The following EML5 variants were observed in gnomAD, a reference collection of about 807,000 sequenced individuals.
The protein encoded by EML5 is EMAP like 5.
EML5 carries 120 observed loss-of-function variants against 250.0 expected under a neutral mutation model. That is an observed-to-expected ratio of 0.48 (90% CI 0.41 to 0.56). EML5 has a LOEUF of 0.56. Ranked by LOEUF, EML5 falls within the 20% of genes least tolerant of loss-of-function variation. EML5 has a pLI of 0.00. For missense variants in EML5, 2,006 were observed against 2,437.6 expected (o/e 0.82, Z 3.73); for synonymous variants, 771 against 806.5 (o/e 0.96, Z 0.75).
chr14:88,754,307 ATAAT>A (rs1278808090), intron 2 of EML5, among the ~76,000 whole-genome samples: 3 of 152,172 alleles, frequency 2.0e-5, no homozygotes, highest in Non-Finnish European at 2.9e-5. Context: ...TTTCAAGGTA[ATAAT>A]TAATTCAATT....
rs144851723 is a variant in EML5 at position 88,637,162 on chromosome 14, T to C, written c.4336+1647A>G. Among the ~76,000 whole-genome samples, 404 of 152,332 alleles carry C rather than the reference T, an allele frequency of 2.7e-3. 2 individuals carry two copies. The highest frequency in any genetic ancestry group is 9.4e-3 in the African/African-American group (389 of 41,576). ...TGAGGAGAAAAATAAAATCCTTTCT[T>C]ATTCTTTAGTCTTCCCTTGAGTCTA... On this transcript the variant is annotated intron_variant, in intron 32 of 43. Coordinates refer to ENST00000554922, the MANE Select transcript of EML5 (RefSeq NM_183387.3).
chr14:88,654,371 A>T (rs959082464), intron 27 of EML5, among the ~76,000 whole-genome samples: 2 of 152,054 alleles, frequency 1.3e-5, no homozygotes, highest in Non-Finnish European at 2.9e-5. Context: ...TTGTGATGTT[A>T]GGATGTTGAT....
chr14:88,702,730 T>A (rs1475356641), intron 13 of EML5, 98 bp from the exon 14 acceptor site: 1 of 858,334 alleles, frequency 1.2e-6, no homozygotes, highest in Non-Finnish European at 1.7e-6. Flanking sequence ...GGGTGAATCA[T>A]TCAATTTCCA....
At chr14:88,707,059 C>CA (rs2093329401) in intron 10 of EML5, among the ~76,000 whole-genome samples, 1 of 152,046 alleles carries the variant, frequency 6.6e-6, no homozygotes, top group South Asian at 2.1e-4. Flanking sequence ...AATGCCTCCT[C>CA]ATGATTAGAT....
intron 31 of EML5, among the ~76,000 whole-genome samples, chr14:88,641,000 A>T (rs182187328): frequency 6.6e-6 from 1 of 152,086 alleles, no homozygotes; most frequent in Admixed American, 6.6e-5. Flanking sequence ...GAAGAAGAAG[A>T]AGAAGAAAAA....
intron 33 of EML5, among the ~76,000 whole-genome samples, chr14:88,632,077 T>C (rs1173621123): frequency 6.6e-6 from 1 of 152,192 alleles, no homozygotes; most frequent in African/African-American, 2.4e-5. Flanking sequence ...CTGTGGATAA[T>C]TTCTTCCTGT....
chr14:88,625,247 G>T, intron 35 of EML5, 120 bp from the exon 36 acceptor site: 1 of 1,179,812 alleles, frequency 8.5e-7, no homozygotes, highest in Non-Finnish European at 1.2e-6. Context: ...CATGCATCGT[G>T]TAGTGGCAGC....
chr14:88,782,971 C>G (rs942225038), intron 1 of EML5, among the ~76,000 whole-genome samples: 6 of 151,936 alleles, frequency 3.9e-5, no homozygotes, highest in African/African-American at 1.5e-4. Context: ...CCCAGCTACT[C>G]AGGAGGCTGA....
intron 36 of EML5, chr14:88,624,622 AGCAG>A: frequency 4.8e-6 from 1 of 209,576 alleles, no homozygotes; most frequent in East Asian, 1.4e-4. Flanking sequence ...ACAAAAAGAG[AGCAG>A]GCAGTCAAAA....
At position 88,730,561 on chromosome 14, in the gene EML5, A is replaced by G. The variant is rs1441179937; in HGVS notation, c.1050-3883T>C. On this transcript the variant is annotated intron_variant, in intron 7 of 43. Coordinates refer to ENST00000554922, the MANE Select transcript of EML5 (RefSeq NM_183387.3). ...GTTGAGAATATTGGGAACACTACCAATAATTAATTTAAAAACACGACAAAT... is the reference window on the plus strand; with the variant it reads ...GTTGAGAATATTGGGAACACTACCAGTAATTAATTTAAAAACACGACAAAT... Among the ~76,000 whole-genome samples the G allele has an allele frequency of 2.0e-5, 3 of 152,218 alleles. No individual in the cohort carries two copies. The East Asian group carries it at 5.8e-4, about 29-fold the overall frequency.
chr14:88,659,982 G>T (rs2092019773), intron 25 of EML5, among the ~76,000 whole-genome samples: 1 of 152,048 alleles, frequency 6.6e-6, no homozygotes. Context: ...TGTGAATTAA[G>T]AAATAAATGC....
chr14:88,728,981 T>C (rs2093710545), intron 7 of EML5, among the ~76,000 whole-genome samples: 3 of 152,158 alleles, frequency 2.0e-5, no homozygotes, highest in African/African-American at 4.8e-5. Flanking sequence ...TACTAGTTTA[T>C]AGGAAAAATG....
intron 1 of EML5, among the ~76,000 whole-genome samples, chr14:88,767,433 T>C (rs1407868103): frequency 6.6e-6 from 1 of 152,196 alleles, no homozygotes; most frequent in East Asian, 1.9e-4. Flanking sequence ...GAGGTCCCTT[T>C]TCATTATACT....
At chr14:88,750,426 A>G (rs1272822970) in intron 2 of EML5, among the ~76,000 whole-genome samples, 1 of 152,144 alleles carries the variant, frequency 6.6e-6, no homozygotes, top group East Asian at 1.9e-4. Flanking sequence ...CCATAGTTAA[A>G]TGGGGACAAA....
intron 25 of EML5, 111 bp downstream of exon 25, chr14:88,661,543 A>G (rs956882156): frequency 5.1e-6 from 5 of 975,334 alleles, no homozygotes; most frequent in Admixed American, 2.9e-5. Context: ...TCATATTACA[A>G]CATTACATAT....
At chr14:88,701,820 G>A (rs1392139758) in intron 14 of EML5, among the ~76,000 whole-genome samples, 1 of 152,108 alleles carries the variant, frequency 6.6e-6, no homozygotes, top group Non-Finnish European at 1.5e-5. Context: ...TTTGTAGACT[G>A]AAGGAAATAA....
chr14:88,687,847 G>A (rs2092870364), intron 18 of EML5, among the ~76,000 whole-genome samples: 1 of 152,106 alleles, frequency 6.6e-6, no homozygotes, highest in African/African-American at 2.4e-5. Flanking sequence ...CGGCTGAGGT[G>A]GGAGAATAGC....
chr14:88,711,306 C>T (rs1319674583), intron 10 of EML5, among the ~76,000 whole-genome samples: 1 of 149,582 alleles, frequency 6.7e-6, no homozygotes, highest in African/African-American at 2.5e-5. Context: ...ATCATGGGGG[C>T]AGTTTCCCCC....
chr14:88,720,116 T>C (rs2093566987), intron 8 of EML5, among the ~76,000 whole-genome samples: 1 of 152,084 alleles, frequency 6.6e-6, no homozygotes, highest in Admixed American at 6.5e-5. Flanking sequence ...AATAGACCAA[T>C]AACAAGTTCT....
Sources: allele counts gnomAD v4.1 joint callset (sites outside exome capture counted in the v4.1 genomes callset), GRCh38; gene constraint gnomAD v4.1.1; transcripts MANE v1.5; gene names NCBI Gene and HGNC (gene_info 2026-07-23, HGNC 2026-07-21).